The following FTO variants were observed in gnomAD, a reference collection of about 807,000 sequenced individuals.
The protein encoded by FTO is FTO alpha-ketoglutarate dependent dioxygenase.
Under a neutral mutation model 63.9 loss-of-function variants are expected in FTO, and 47 were observed. That is an observed-to-expected ratio of 0.74 (90% CI 0.58 to 0.94). The LOEUF is 0.94. FTO is among the 40% of genes least tolerant of loss of function. The pLI, the probability that FTO is intolerant of heterozygous loss-of-function variation, is 0.00. For missense variants in FTO, 562 were observed against 618.1 expected (o/e 0.91, Z 0.96); for synonymous variants, 207 against 224.4 (o/e 0.92, Z 0.69).
At chr16:53,908,633 G>A (rs2081599951) in intron 7 of FTO, among the ~76,000 whole-genome samples, 2 of 152,154 alleles carry the variant, frequency 1.3e-5, no homozygotes, top group Non-Finnish European at 2.9e-5. Flanking sequence ...CATGGCCCGT[G>A]GGTACTTTGG....
intron 4 of FTO, among the ~76,000 whole-genome samples, chr16:53,847,503 C>T (rs570264190): frequency 9.9e-5 from 15 of 152,270 alleles, no homozygotes; most frequent in African/African-American, 3.4e-4. Context: ...CGCAGTGGCT[C>T]ACACCTGTAA....
intron 8 of FTO, among the ~76,000 whole-genome samples, chr16:54,105,771 C>CTGTG (rs57782663): frequency 0.039 from 5,388 of 137,960 alleles, 121 homozygotes; most frequent in Non-Finnish European, 0.043. Context: ...AAGTTCTAGT[C>CTGTG]TGTGTGTGTG....
chr16:53,812,932 A>G (rs2078572669), intron 2 of FTO, among the ~76,000 whole-genome samples: 1 of 152,228 alleles, frequency 6.6e-6, no homozygotes, highest in Non-Finnish European at 1.5e-5. Context: ...AATGCTTACT[A>G]AATTTTCATA....
intron 8 of FTO, among the ~76,000 whole-genome samples, chr16:54,037,307 G>A (rs1238864518): frequency 6.6e-6 from 1 of 152,172 alleles, no homozygotes; most frequent in Non-Finnish European, 1.5e-5. Flanking sequence ...CACATCCAAT[G>A]TATTTCCACT....
At chr16:54,063,225 A>G (rs1213478876) in intron 8 of FTO, among the ~76,000 whole-genome samples, 1 of 152,150 alleles carries the variant, frequency 6.6e-6, no homozygotes, top group African/African-American at 2.4e-5. Flanking sequence ...AAATGAATCC[A>G]AGTTATGAGA....
intron 4 of FTO, among the ~76,000 whole-genome samples, chr16:53,847,624 C>T (rs13336898): frequency 0.026 from 4,003 of 151,718 alleles, 178 homozygotes; most frequent in African/African-American, 0.092. Context: ...AAAAATTAGC[C>T]GGGTGTGGTG....
chr16:53,798,147 T>G (rs900206777), intron 1 of FTO, among the ~76,000 whole-genome samples: 1 of 152,164 alleles, frequency 6.6e-6, no homozygotes. Flanking sequence ...GACCTCTATT[T>G]TGTTCCATTT....
intron 8 of FTO, among the ~76,000 whole-genome samples, chr16:54,091,564 G>A (rs763403581): frequency 1.3e-5 from 2 of 152,152 alleles, no homozygotes; most frequent in African/African-American, 4.8e-5. Context: ...AAAGAAATCA[G>A]GGTACATGCA....
intron 1 of FTO, among the ~76,000 whole-genome samples, chr16:53,751,679 G>T (rs1035545082): frequency 1.4e-4 from 22 of 152,222 alleles, no homozygotes; most frequent in Non-Finnish European, 2.4e-4. Context: ...CGGTGCAGGG[G>T]TTTCTTTTTG....
chr16:53,931,871 AAC>A (rs35135177), intron 7 of FTO, among the ~76,000 whole-genome samples: 16,041 of 145,454 alleles, frequency 0.11, 968 homozygotes, highest in East Asian at 0.23. Flanking sequence ...TTTTACATTA[AAC>A]ACACACACAC....
chr16:53,934,677 T>C (rs1292880851), intron 8 of FTO, among the ~76,000 whole-genome samples: 1 of 152,206 alleles, frequency 6.6e-6, no homozygotes, highest in Non-Finnish European at 1.5e-5. Context: ...TACAGCATGT[T>C]GCTGTACTGA....
intron 6 of FTO, chr16:53,886,883 T>C (rs1419241629): frequency 6.6e-6 from 1 of 152,228 alleles, no homozygotes; most frequent in Non-Finnish European, 1.5e-5. Flanking sequence ...ATATGGAACA[T>C]GATCACCTTA....
At chr16:53,931,866 C>T (rs2082291599) in intron 7 of FTO, among the ~76,000 whole-genome samples, 1 of 117,924 alleles carries the variant, frequency 8.5e-6, no homozygotes, top group African/African-American at 3.7e-5. Flanking sequence ...TCAGTTTTTA[C>T]ATTAAACACA....
At chr16:53,804,359 C>T (rs1303157398) in intron 1 of FTO, among the ~76,000 whole-genome samples, 1 of 152,152 alleles carries the variant, frequency 6.6e-6, no homozygotes, top group Non-Finnish European at 1.5e-5. Context: ...GAAACAGTGT[C>T]CTTACAGATG....
intron 3 of FTO, among the ~76,000 whole-genome samples, chr16:53,836,344 A>G (rs2151800235): frequency 6.6e-6 from 1 of 152,314 alleles, no homozygotes; most frequent in South Asian, 2.1e-4. Flanking sequence ...CTGCTTCCCC[A>G]CAACAGTAAA....
At chr16:53,704,481 T>A (rs1971867315) in intron 1 of FTO, among the ~76,000 whole-genome samples, 1 of 152,210 alleles carries the variant, frequency 6.6e-6, no homozygotes, top group African/African-American at 2.4e-5. Flanking sequence ...TTCTTCTGCA[T>A]CTATTCCTTG....
intron 8 of FTO, among the ~76,000 whole-genome samples, chr16:54,051,392 A>C (rs1282085197): frequency 6.6e-6 from 1 of 152,220 alleles, no homozygotes; most frequent in Non-Finnish European, 1.5e-5. Flanking sequence ...CTCCCTTTGC[A>C]AGTATCTCAG....
chr16:54,035,839 C>A (rs1191332350), intron 8 of FTO, among the ~76,000 whole-genome samples: 1 of 152,166 alleles, frequency 6.6e-6, no homozygotes, highest in Non-Finnish European at 1.5e-5. Context: ...GAAATGAAAC[C>A]TCAACTGGAC....
intron 4 of FTO, among the ~76,000 whole-genome samples, chr16:53,873,519 CTTATAT>C (rs772095078): frequency 2.8e-4 from 42 of 149,030 alleles, no homozygotes; most frequent in Non-Finnish European, 4.9e-4. Context: ...TTATTGTATA[CTTATAT>C]TTATATTATT....
Sources: allele counts gnomAD v4.1 joint callset (sites outside exome capture counted in the v4.1 genomes callset), GRCh38; gene constraint gnomAD v4.1.1; transcripts MANE v1.5; gene names NCBI Gene and HGNC (gene_info 2026-07-23, HGNC 2026-07-21).